The following HIRA variants were observed in gnomAD, a reference collection of about 807,000 sequenced individuals.
HIRA encodes protein HIRA.
HIRA carries 13 observed loss-of-function variants against 126.6 expected under a neutral mutation model. The observed-to-expected ratio is 0.10, with a 90% confidence interval of 0.07 to 0.16. The LOEUF (loss-of-function observed/expected upper bound fraction) is 0.16. Ranked by LOEUF, HIRA falls within the 10% of genes least tolerant of loss-of-function variation. The pLI is 1.00. For missense variants in HIRA, 834 were observed against 1,314.4 expected (o/e 0.63, Z 5.65); for synonymous variants, 511 against 520.0 (o/e 0.98, Z 0.24).
chr22:19,344,147 T>C (rs2088661945), intron 24 of HIRA, among the ~76,000 whole-genome samples: 1 of 151,972 alleles, frequency 6.6e-6, no homozygotes. Context: ...AAAAGAACTA[T>C]ACCTAAAGCT....
intron 14 of HIRA, 149 bp from the exon 15 acceptor site, chr22:19,375,941 C>T: frequency 2.1e-5 from 18 of 855,788 alleles, no homozygotes; most frequent in Non-Finnish European, 3.0e-5. Context: ...CTACTACTCC[C>T]ATTTCTTTAA....
chr22:19,385,664 T>C lies in HIRA; in HGVS notation c.1186A>G (p.Ile396Val). Residue 396 changes from isoleucine (I) to valine (V), a missense_variant, in exon 12 of 25, where the codon ATT (isoleucine) becomes GTT (valine). Coordinates refer to ENST00000263208, the MANE Select transcript of HIRA (RefSeq NM_003325.4). ...TACTTGAGCATCTCAGGGTTCTCAA[T>C]GACGGCTGTGGAGAGCTGGGCCTCG... is the stretch of plus-strand genomic sequence containing the variant. ...MTEAQLSTAV[I>V]ENPEMLKYQR... The C allele has an allele frequency of 6.2e-7, 1 of 1,614,204 alleles. No homozygotes were observed. The highest frequency in any genetic ancestry group is 8.5e-7 in the Non-Finnish European group (1 of 1,180,032).
At chr22:19,347,865 G>A (rs970911262) in intron 24 of HIRA, among the ~76,000 whole-genome samples, 1 of 152,228 alleles carries the variant, frequency 6.6e-6, no homozygotes, top group Non-Finnish European at 1.5e-5. Flanking sequence ...CTTGAACCCA[G>A]GAGGCAGAGG....
At chr22:19,376,471 A>G (rs905770932) in intron 14 of HIRA, among the ~76,000 whole-genome samples, 1 of 152,038 alleles carries the variant, frequency 6.6e-6, no homozygotes, top group African/African-American at 2.4e-5. Flanking sequence ...TTCCACTCCT[A>G]TCTGCCCAGA....
intron 1 of HIRA, among the ~76,000 whole-genome samples, chr22:19,424,831 T>C (rs1201818226): frequency 6.6e-6 from 1 of 152,166 alleles, no homozygotes; most frequent in Non-Finnish European, 1.5e-5. Flanking sequence ...TTCTATCGTA[T>C]ATAACAAGTC....
chr22:19,410,601 C>A, intron 2 of HIRA, 115 bp downstream of exon 2: 4 of 750,702 alleles, frequency 5.3e-6, no homozygotes, highest in Middle Eastern at 4.8e-4. Flanking sequence ...TTTTAAACAG[C>A]GTTGCATCCA....
chr22:19,371,006 C>A (rs1449631460), intron 15 of HIRA, among the ~76,000 whole-genome samples: 1 of 152,226 alleles, frequency 6.6e-6, no homozygotes, highest in Non-Finnish European at 1.5e-5. Flanking sequence ...ATCCTCCTGG[C>A]TTCTCATTCA....
At chr22:19,428,417 T>C (rs893399330) in intron 1 of HIRA, among the ~76,000 whole-genome samples, 1 of 152,200 alleles carries the variant, frequency 6.6e-6, no homozygotes, top group Non-Finnish European at 1.5e-5. Context: ...ATAACATAGA[T>C]GACAATCACA....
intron 9 of HIRA, among the ~76,000 whole-genome samples, chr22:19,391,755 C>T (rs1270201028): frequency 1.3e-5 from 2 of 152,202 alleles, no homozygotes; most frequent in Non-Finnish European, 2.9e-5. Context: ...GCTGGGATTA[C>T]AGGCGTGAGC....
Position 19,385,708 on chromosome 22 carries a change from T to C in HIRA, c.1142A>G (p.Lys381Arg). 6.2e-7 allele frequency: 1 copy of C among 1,613,944 alleles called. No individual in the cohort carries two copies. Residue 381 changes from lysine (K) to arginine (R), a missense_variant, in exon 12 of 25, where the codon AAG (lysine) becomes AGG (arginine). Around this residue, in one of 5 missense-constraint regions of HIRA, gnomAD observed 153 missense variants for 270.6 expected, o/e 0.57. Coordinates refer to ENST00000263208, the MANE Select transcript of HIRA (RefSeq NM_003325.4). ...KSRIHQSTYG[K>R]SLAIMTEAQL... is the part of the protein sequence containing the mutation. ...GGCCTCGGTCATGATGGCTAGGCTC[T>C]TGCCATAGGTGGACTGGTGAATGCG...
At chr22:19,423,649 A>T (rs2089467186) in intron 1 of HIRA, among the ~76,000 whole-genome samples, 1 of 152,128 alleles carries the variant, frequency 6.6e-6, no homozygotes, top group Admixed American at 6.5e-5. Flanking sequence ...ACCTCAAATA[A>T]GGCCTGCTGT....
chr22:19,332,314 TA>T (rs2088499339), intron 24 of HIRA, among the ~76,000 whole-genome samples: 1 of 152,158 alleles, frequency 6.6e-6, no homozygotes, highest in African/African-American at 2.4e-5. Context: ...TAAGTGTAAC[TA>T]TTAGGTTTGA....
chr22:19,399,152 C>T, intron 5 of HIRA: 1 of 985,380 alleles, frequency 1.0e-6, no homozygotes, highest in African/African-American at 1.7e-5. Context: ...GTGAAGGGCG[C>T]AGTCTTAGTT....
At chr22:19,407,988 CAG>C (rs1438035799) in intron 3 of HIRA, among the ~76,000 whole-genome samples, 1 of 152,128 alleles carries the variant, frequency 6.6e-6, no homozygotes, top group East Asian at 1.9e-4. Flanking sequence ...CAAGAACACA[CAG>C]AGGAAAGGAA....
chr22:19,399,671 T>C (rs2089251563), intron 5 of HIRA, among the ~76,000 whole-genome samples: 1 of 152,234 alleles, frequency 6.6e-6, no homozygotes, highest in African/African-American at 2.4e-5. Context: ...TTTTCCAAGA[T>C]CCCTGTGGTT....
chr22:19,388,412 C>G (rs2089147411), intron 10 of HIRA, 72 bp downstream of exon 10: 5 of 1,226,912 alleles, frequency 4.1e-6, no homozygotes, highest in African/African-American at 1.5e-5. Context: ...CTAGTCACAC[C>G]CAGAAGGCCT....
Position 19,355,815 on chromosome 22 carries a change from C to T in HIRA, c.2506G>A (p.Val836Ile), listed in dbSNP as rs1556012334. The T allele has an allele frequency of 1.9e-6, 3 of 1,614,144 alleles. No individual in the cohort carries two copies. Among genetic ancestry groups the T allele is most frequent in the South Asian group, 2.2e-5 (2 of 91,072 alleles). The part of the protein sequence containing the change: ...QILLTQHGIP[V>I]MNLSDGKAYC... ...GCCTTCCCATCGGACAGGTTCATTA[C>T]TGGGATTCCATGCTGCGTCAGCAAG... Residue 836 changes from valine to isoleucine, a missense_variant, in exon 21 of 25, where the codon GTA becomes ATA. Val to Ile is a conservative substitution (Grantham distance 29, BLOSUM62 3). Coordinates refer to ENST00000263208, the MANE Select transcript of HIRA (RefSeq NM_003325.4).
At chr22:19,410,568 A>G (rs1416474369) in intron 2 of HIRA, 148 bp downstream of exon 2, 1 of 658,766 alleles carries the variant, frequency 1.5e-6, no homozygotes, top group Non-Finnish European at 2.7e-6. Context: ...TTATTCATTC[A>G]GATAACACAT....
At position 19,407,282 on chromosome 22, in the gene HIRA, G is replaced by GA. The variant is rs201431266; in HGVS notation, c.212-9dup. 4.5e-4 allele frequency: 712 copies of GA among 1,581,070 alleles called. No individual in the cohort carries two copies. Among genetic ancestry groups the GA allele is most frequent in the African/African-American group, 9.0e-4 (66 of 73,544 alleles). ...GCACACAGTTCACACATGCTGGGAA[G>GA]AAAAAAAAATAAGGTGATGAAAATC... On this transcript the variant is annotated splice_polypyrimidine_tract_variant and intron_variant, in intron 3 of 24. Coordinates refer to ENST00000263208, the MANE Select transcript of HIRA (RefSeq NM_003325.4).
Sources: allele counts gnomAD v4.1 joint callset (sites outside exome capture counted in the v4.1 genomes callset), GRCh38; gene constraint gnomAD v4.1.1; regional missense constraint gnomAD v4.1.1; transcripts MANE v1.5; gene names NCBI Gene and HGNC (gene_info 2026-07-23, HGNC 2026-07-21).